Variants in PLEKHA8 observed in about 807,000 individuals in gnomAD.
The protein encoded by PLEKHA8 is pleckstrin homology domain containing A8, also known as pleckstrin homology domain-containing family A member 8.
In PLEKHA8, 36 loss-of-function variants were observed where a neutral mutation model predicts 68.2. That is an observed-to-expected ratio of 0.53 (90% CI 0.40 to 0.70). PLEKHA8 has a LOEUF of 0.70. Ranked by LOEUF, PLEKHA8 falls within the 30% of genes least tolerant of loss-of-function variation. The probability of loss-of-function intolerance (pLI) is 0.00; values close to 1 mark genes in which losing one functional copy is unlikely to be tolerated. For missense variants in PLEKHA8, 505 were observed against 615.4 expected (o/e 0.82, Z 1.90); for synonymous variants, 211 against 216.1 (o/e 0.98, Z 0.20).
chr7:30,034,006 GTTTCTTTT>G (rs1790857315), intron 1 of PLEKHA8, among the ~76,000 whole-genome samples: 2 of 110,816 alleles, frequency 1.8e-5, no homozygotes, highest in African/African-American at 3.5e-5. Context: ...GTTGTAAGAG[GTTTCTTTT>G]TTTTTTTTTT....
chr7:30,049,069 T>C (rs1264426189), intron 4 of PLEKHA8, 155 bp from the exon 5 acceptor site: 1 of 827,198 alleles, frequency 1.2e-6, no homozygotes, highest in Non-Finnish European at 1.9e-6. Context: ...ACTTGATTAA[T>C]AGATAAATTG....
At chr7:30,121,379 A>G (rs1340347026) in intron 13 of PLEKHA8, among the ~76,000 whole-genome samples, 1 of 152,192 alleles carries the variant, frequency 6.6e-6, no homozygotes, top group Non-Finnish European at 1.5e-5. Flanking sequence ...CTGTAATTCC[A>G]GCATTTTGGG....
At chr7:30,128,733 GTTTA>G (rs1399235125) in intron 13 of PLEKHA8, among the ~76,000 whole-genome samples, 2 of 152,292 alleles carry the variant, frequency 1.3e-5, no homozygotes, top group African/African-American at 4.8e-5. Context: ...AAGAGAAGAG[GTTTA>G]TTTGGCTCAT....
chr7:30,103,327 A>G (rs973131253), intron 13 of PLEKHA8, among the ~76,000 whole-genome samples: 1 of 152,234 alleles, frequency 6.6e-6, no homozygotes, highest in Non-Finnish European at 1.5e-5. Flanking sequence ...TGAATTGTAT[A>G]CTTGAATTGT....
At position 30,078,767 on chromosome 7, in the gene PLEKHA8, G is replaced by A. The variant is rs1794770337; in HGVS notation, c.1540G>A (p.Glu514Lys). The stretch of plus-strand genomic sequence containing the variant: ...CACTTTATATGAGGTCCACGGGCTG[G>A]AATCTGATGAGGTGGTATGATGGCT... Reference protein sequence around the residue: ...LDTLYEVHGLESDEVV With the variant: ...LDTLYEVHGLKSDEVV Residue 514 changes from glutamate to lysine, a missense_variant, in exon 14 of 14, where the codon GAA becomes AAA. Physicochemically the swap from Glu to Lys is moderately conservative, Grantham distance 56. Transcript: ENST00000449726. The A allele has an allele frequency of 1.2e-6, 2 of 1,613,534 alleles. No homozygotes were observed. The highest frequency in any genetic ancestry group is 2.2e-5 in the East Asian group (1 of 44,868).
At chr7:30,040,158 G>GA (rs887546215) in intron 1 of PLEKHA8, among the ~76,000 whole-genome samples, 3 of 152,206 alleles carry the variant, frequency 2.0e-5, no homozygotes, top group Admixed American at 6.5e-5. Flanking sequence ...TGTGTTTGCA[G>GA]AAAGACCCAG....
chr7:30,033,374 A>G (rs1790807885), intron 1 of PLEKHA8, among the ~76,000 whole-genome samples: 1 of 152,238 alleles, frequency 6.6e-6, no homozygotes, highest in African/African-American at 2.4e-5. Context: ...TAGGCAGTTT[A>G]TATAAATGGA....
At chr7:30,093,875 T>C (rs945823972), downstream of PLEKHA8, among the ~76,000 whole-genome samples, 1 of 152,244 alleles carries the variant, frequency 6.6e-6, no homozygotes, top group Non-Finnish European at 1.5e-5. Context: ...TGGACTCTGG[T>C]CTGCCTTTCA....
In PLEKHA8 at chr7:30,082,092, C is replaced by T; in HGVS notation, c.*3305C>T. On this transcript the variant is annotated 3_prime_UTR_variant, in exon 14 of 14. Coordinates refer to ENST00000449726, the MANE Select transcript of PLEKHA8 (RefSeq NM_001197026.2). ...AGAGGAGCTCTCACAGAATGTTGAG[C>T]CTGTGGGCCCAAGACATTGACTTCG... 2 of 985,218 alleles carry T rather than the reference C, an allele frequency of 2.0e-6. No homozygotes were observed. The highest frequency in any genetic ancestry group is 2.4e-6 in the Non-Finnish European group (2 of 829,816). The allele number at this position is 985,218 out of a possible 1,614,324, so 61.0% of individuals were successfully genotyped here. A position where few individuals can be genotyped will look rare whatever the true frequency, so the allele number is the denominator to read the frequency against.
At chr7:30,116,156 A>C (rs1265624371) in intron 13 of PLEKHA8, among the ~76,000 whole-genome samples, 1 of 151,380 alleles carries the variant, frequency 6.6e-6, no homozygotes, top group East Asian at 1.9e-4. Context: ...GCATACATAC[A>C]CGTATACATG....
chr7:30,048,179 A>G (rs576561815), intron 4 of PLEKHA8, among the ~76,000 whole-genome samples: 87 of 152,178 alleles, frequency 5.7e-4, no homozygotes, highest in Non-Finnish European at 1.1e-3. Context: ...TTAAACAAAG[A>G]GAAGCAATAG....
rs1794562879 is a variant in PLEKHA8 at position 30,075,600 on chromosome 7, A to G, written c.1362+1468A>G. Among the ~76,000 whole-genome samples the G allele has an allele frequency of 2.6e-5, 4 of 152,264 alleles. 1 individual carries two copies. The South Asian group carries it at 8.3e-4, about 32-fold the overall frequency. On this transcript the variant is annotated intron_variant, in intron 13 of 13. Transcript: ENST00000449726. The stretch of plus-strand genomic sequence containing the variant: ...CTGCAGTGAAGACACAATCACTGAG[A>G]GGCCTCTACTGAGTTCTTAGGCAAT...
At chr7:30,059,438 G>A (rs1479336789) in intron 9 of PLEKHA8, among the ~76,000 whole-genome samples, 2 of 152,044 alleles carry the variant, frequency 1.3e-5, no homozygotes, top group African/African-American at 2.4e-5. Context: ...ATTTGTTAAT[G>A]TAATGAATTA....
rs1414152938 is a variant in PLEKHA8, at chr7:30,079,804, C to T, written c.*1017C>T. ...GGAATCTGCATTTCAGTAAACTTTA[C>T]ACGTGATTCTTCTGCACACAGTATT... On this transcript the variant is annotated 3_prime_UTR_variant, in exon 14 of 14. Transcript: ENST00000449726. 5 of 880,874 alleles carry T rather than the reference C, an allele frequency of 5.7e-6. No individual in the cohort carries two copies. The East Asian group carries it at 6.0e-4, about 106-fold the overall frequency. The allele number at this position is 880,874 out of a possible 1,614,324, so 54.6% of individuals were successfully genotyped here.
At chr7:30,073,683 G>A (rs1794415433) in intron 12 of PLEKHA8, among the ~76,000 whole-genome samples, 1 of 150,914 alleles carries the variant, frequency 6.6e-6, no homozygotes, top group Admixed American at 6.6e-5. Context: ...ATAGTATCGT[G>A]CTACTATGCA....
At chr7:30,071,639 A>T (rs1463316123) in intron 12 of PLEKHA8, among the ~76,000 whole-genome samples, 3 of 152,222 alleles carry the variant, frequency 2.0e-5, no homozygotes, top group Non-Finnish European at 4.4e-5. Context: ...ACCTAAAGAT[A>T]CTACTGTGTG....
downstream of PLEKHA8, among the ~76,000 whole-genome samples, chr7:30,093,843 G>A (rs1223937498): frequency 6.6e-6 from 1 of 152,314 alleles, no homozygotes; most frequent in South Asian, 2.1e-4. Flanking sequence ...TGGAAACCAC[G>A]TTGGACTTGG....
chr7:30,109,228 G>C (rs1008748222), intron 13 of PLEKHA8, among the ~76,000 whole-genome samples: 2 of 152,094 alleles, frequency 1.3e-5, no homozygotes, highest in Non-Finnish European at 2.9e-5. Context: ...AGTTAACACA[G>C]AATTCCCATA....
rs780069387 is a variant in PLEKHA8 at position 30,108,083 on chromosome 7, A to AAAAAAAAAAAAAAAC, written c.1363-21174_1363-21173insAAAAACAAAAAAAAA. On this transcript the variant is annotated intron_variant, in intron 13 of 13. Coordinates refer to the PLEKHA8 transcript ENST00000396257. ...ACTCCATCTCAAAAAAAAAAAAAAAAAAAAAAAAACCTACATTCATTGACA... is the reference window on the plus strand; with the variant it reads ...ACTCCATCTCAAAAAAAAAAAAAAAAAAAAAAAAAAAAAACAAAAAAAAACCTACATTCATTGACA... Among the ~76,000 whole-genome samples the AAAAAAAAAAAAAAAC allele has an allele frequency of 1.0e-3, 148 of 144,526 alleles. 5 individuals carry two copies. Among genetic ancestry groups the AAAAAAAAAAAAAAAC allele is most frequent in the Non-Finnish European group, 1.9e-3 (122 of 65,162 alleles). The allele number at this position is 144,526 out of a possible 152,430, so 94.8% of individuals were successfully genotyped here.
Sources: gnomAD v4.1 joint callset for allele counts (sites outside exome capture counted in the v4.1 genomes callset) on GRCh38, gnomAD v4.1.1 for gene constraint, MANE v1.5 for transcripts, NCBI Gene and HGNC (gene_info 2026-07-23, HGNC 2026-07-21) for gene names.